The following ERMP1 variants were observed in gnomAD, a reference collection of about 807,000 sequenced individuals.
The protein encoded by ERMP1 is Felix-ina.
A neutral mutation model predicts 92.0 loss-of-function variants in ERMP1; 86 were observed. That is an observed-to-expected ratio of 0.93 (90% confidence interval 0.79 to 1.12). The LOEUF is 1.12. ERMP1 is among the 50% of genes most tolerant of loss of function. The pLI, the probability that ERMP1 is intolerant of heterozygous loss-of-function variation, is 0.00. For missense variants in ERMP1, 1,342 were observed against 1,116.3 expected, an observed-to-expected ratio of 1.20 and a Z score of -2.88; for synonymous variants, 530 against 412.8, an observed-to-expected ratio of 1.28 and a Z score of -3.44.
intron 6 of ERMP1, among the ~76,000 whole-genome samples, chr9:5,852,219 G>A (rs1563782764): frequency 1.3e-5 from 2 of 151,210 alleles, no homozygotes; most frequent in East Asian, 1.9e-4. Flanking sequence ...CACTTTAGAT[G>A]TTGTTATTTC....
chr9:5,816,006 G>A (rs1407666087), intron 4 of ERMP1, among the ~76,000 whole-genome samples: 1 of 151,950 alleles, frequency 6.6e-6, no homozygotes, highest in African/African-American at 2.4e-5. Context: ...AACAGGTAAA[G>A]CCAAACTATC....
At chr9:5,829,026 T>G (rs372762541) in intron 2 of ERMP1, among the ~76,000 whole-genome samples, 31 of 152,016 alleles carry the variant, frequency 2.0e-4, no homozygotes, top group African/African-American at 7.2e-4. Context: ...GGCGGATCAC[T>G]TGAGGTCAGG....
chr9:5,829,529 C>T (rs1428609027), intron 2 of ERMP1, among the ~76,000 whole-genome samples: 1 of 152,136 alleles, frequency 6.6e-6, no homozygotes, highest in Admixed American at 6.6e-5. Flanking sequence ...ATGCCAGGTA[C>T]TATTTTAGCG....
intron 5 of ERMP1, among the ~76,000 whole-genome samples, chr9:5,863,807 G>A (rs1430468143): frequency 1.3e-5 from 2 of 152,122 alleles, no homozygotes; most frequent in Admixed American, 6.6e-5. Context: ...AACAAAAATG[G>A]GAACATTCTA....
At chr9:5,861,166 A>AG (rs1554630169) in intron 5 of ERMP1, among the ~76,000 whole-genome samples, 1 of 78,278 alleles carries the variant, frequency 1.3e-5, no homozygotes, top group Non-Finnish European at 2.5e-5. Flanking sequence ...ACAATGGCTT[A>AG]GGGGGTGTGT....
rs1054086295 is a variant in ERMP1 at position 5,785,562 on chromosome 9, T to C, written c.*1582A>G. 1 of 152,454 alleles carries C rather than the reference T, an allele frequency of 6.6e-6. No homozygotes were observed. The highest frequency in any genetic ancestry group is 1.9e-4 in the East Asian group (1 of 5,200). The allele number at this position is 152,454 out of a possible 1,614,324, so 9.4% of individuals were successfully genotyped here. A position where few individuals can be genotyped will look rare whatever the true frequency, so the allele number is the denominator to read the frequency against. On this transcript the variant is annotated 3_prime_UTR_variant, in exon 15 of 15. Transcript: ENST00000339450. ...AGCTCTGGTTGCAGCCCCATCTACA[T>C]GGGCCCAGTTAGTTTTTAGGGAGTC...
intron 6 of ERMP1, among the ~76,000 whole-genome samples, chr9:5,841,518 C>A (rs933178495): frequency 1.3e-5 from 2 of 152,142 alleles, no homozygotes; most frequent in Non-Finnish European, 2.9e-5. Context: ...TGTTTTGGGG[C>A]CAGGTGTGGT....
intron 11 of ERMP1, 55 bp downstream of exon 11, chr9:5,801,121 A>C (rs3824444): frequency 1.9e-6 from 3 of 1,555,820 alleles, no homozygotes; most frequent in Non-Finnish European, 2.6e-6. Context: ...ACTGAAGCTC[A>C]AAACACACAG....
chr9:5,790,429 C>A lies in ERMP1; in HGVS notation c.2387-2836G>T, dbSNP rs574220115. On this transcript the variant is annotated intron_variant, in intron 13 of 14. Transcript: ENST00000339450. ...TTATAAAATACTGTGACAACTGAGG[C>A]CAAATGTATGAGTAATAAAAATTAA... is the stretch of plus-strand genomic sequence containing the variant. Among the ~76,000 whole-genome samples, 12 of 152,006 alleles carry A rather than the reference C, an allele frequency of 7.9e-5. No individual in the cohort carries two copies. The South Asian group carries it at 1.0e-3, about 13-fold the overall frequency.
In ERMP1 at chr9:5,810,187, A is replaced by G. The variant is rs1563758446; in HGVS notation, c.1372T>C (p.Leu458=). The G allele has an allele frequency of 1.9e-6, 3 of 1,614,068 alleles. No individual in the cohort carries two copies. The East Asian group carries it at 6.7e-5, about 36-fold the overall frequency. Reference sequence around the variant, plus strand: ...ACAAGGCTAGTGAACCAGCTGATCAAAGTGATGCCAAGTCCACACAAGAAG... The same window carrying G: ...ACAAGGCTAGTGAACCAGCTGATCAGAGTGATGCCAAGTCCACACAAGAAG... ...KDFLCGLGIT[L]ISWFTSLVTV... Residue 458 remains leucine, a synonymous_variant, in exon 8 of 15, where the codon TTG becomes CTG. Transcript: ENST00000339450.
At chr9:5,832,605 G>C in intron 1 of ERMP1, 85 bp downstream of exon 1, 5 of 1,092,604 alleles carry the variant, frequency 4.6e-6, no homozygotes, top group Non-Finnish European at 6.1e-6. Flanking sequence ...CGGCAGGGGC[G>C]GGTGCACACA....
rs530562198 is a variant in ERMP1 at position 5,833,087 on chromosome 9, C to A, written c.-60G>T. The A allele has an allele frequency of 9.4e-3, 12,721 of 1,354,962 alleles. 86 individuals carry two copies. The highest frequency in any genetic ancestry group is 0.01 in the Non-Finnish European group (10,698 of 1,049,658). The allele number at this position is 1,354,962 out of a possible 1,614,324, so 83.9% of individuals were successfully genotyped here. A position where few individuals can be genotyped will look rare whatever the true frequency, so the allele number is the denominator to read the frequency against. On this transcript the variant is annotated 5_prime_UTR_variant, in exon 1 of 15. Transcript: ENST00000339450. ...AACCCGCGACAGCCCCGGCCGCCGCCGACGCCGCCGTCGCTGCCGCAGCGC... is the reference window on the plus strand; with the variant it reads ...AACCCGCGACAGCCCCGGCCGCCGCAGACGCCGCCGTCGCTGCCGCAGCGC...
At chr9:5,787,370 C>G in intron 14 of ERMP1, 60 bp downstream of exon 14, 1 of 1,602,406 alleles carries the variant, frequency 6.2e-7, no homozygotes, top group South Asian at 1.1e-5. Flanking sequence ...ACCCAAGGTT[C>G]TTGCTAAATA....
chr9:5,832,076 T>C (rs1242291426), intron 1 of ERMP1, among the ~76,000 whole-genome samples: 1 of 149,096 alleles, frequency 6.7e-6, no homozygotes, highest in African/African-American at 2.5e-5. Context: ...CTAGCATTCT[T>C]AAAGGTCTTA....
chr9:5,855,305 C>T (rs1203996017), intron 6 of ERMP1, among the ~76,000 whole-genome samples: 8 of 152,136 alleles, frequency 5.3e-5, no homozygotes, highest in Admixed American at 3.3e-4. Context: ...TGGACATAGT[C>T]ACTCCAGACC....
At chr9:5,794,927 A>C (rs1266633495) in intron 13 of ERMP1, among the ~76,000 whole-genome samples, 1 of 152,198 alleles carries the variant, frequency 6.6e-6, no homozygotes, top group Non-Finnish European at 1.5e-5. Flanking sequence ...CCTAATACCA[A>C]AGCTAGACAA....
At chr9:5,827,922 G>C (rs1428909011) in intron 2 of ERMP1, among the ~76,000 whole-genome samples, 1 of 152,184 alleles carries the variant, frequency 6.6e-6, no homozygotes, top group African/African-American at 2.4e-5. Flanking sequence ...AGCTTGCAGT[G>C]AGCCGAGATC....
intron 2 of ERMP1, among the ~76,000 whole-genome samples, chr9:5,826,874 G>A (rs1829748753): frequency 6.6e-6 from 1 of 152,148 alleles, no homozygotes; most frequent in African/African-American, 2.4e-5. Flanking sequence ...AAGTTAAACT[G>A]TCCATTCAGC....
chr9:5,804,423 C>G (rs952071173), intron 10 of ERMP1, among the ~76,000 whole-genome samples: 1 of 152,144 alleles, frequency 6.6e-6, no homozygotes, highest in Non-Finnish European at 1.5e-5. Flanking sequence ...AAACACAGGA[C>G]TCTCCTTACT....
Sources: allele counts gnomAD v4.1 joint callset (sites outside exome capture counted in the v4.1 genomes callset), GRCh38; gene constraint gnomAD v4.1.1; transcripts MANE v1.5; gene names NCBI Gene and HGNC (gene_info 2026-07-23, HGNC 2026-07-21).